Variants in LY6S observed in about 807,000 individuals in gnomAD.
LY6S encodes the protein lymphocyte antigen 6 family member S.
the LY6S span, among the ~76,000 whole-genome samples, chr8:143,056,726 A>G: frequency 6.6e-6 from 1 of 152,190 alleles, no homozygotes; most frequent in Non-Finnish European, 1.5e-5. Flanking sequence ...CCAGAAAAAT[A>G]TGGAAACTTT....
chr8:143,072,406 T>A, the LY6S span, among the ~76,000 whole-genome samples: 4 of 131,134 alleles, frequency 3.1e-5, no homozygotes, highest in African/African-American at 1.3e-4. Flanking sequence ...GAGACAGCCG[T>A]CGTCCTCGTG....
At chr8:143,069,610 G>A in the LY6S span, among the ~76,000 whole-genome samples, 1 of 152,172 alleles carries the variant, frequency 6.6e-6, no homozygotes, top group South Asian at 2.1e-4. Context: ...CCACCAGGAC[G>A]GGACACACAG....
chr8:143,046,542 C>T, the LY6S span, among the ~76,000 whole-genome samples: 1 of 147,136 alleles, frequency 6.8e-6, no homozygotes, highest in Non-Finnish European at 1.5e-5. Flanking sequence ...TGCGCCACTA[C>T]ACTCCAGCTT....
At chr8:143,041,519 T>G in the LY6S span, among the ~76,000 whole-genome samples, 6 of 152,278 alleles carry the variant, frequency 3.9e-5, no homozygotes, top group South Asian at 6.2e-4. Context: ...AAACAATTTG[T>G]GCAGTTAACA....
the LY6S span, among the ~76,000 whole-genome samples, chr8:143,073,958 AGGAGACAGCCGTCGTCCCCG>A: frequency 3.3e-5 from 5 of 150,886 alleles, no homozygotes; most frequent in South Asian, 2.1e-4. Flanking sequence ...TCCCTGTTTG[AGGAGACAGCCGTCGTCCCCG>A]GGGTCCCTGT....
At chr8:143,058,521 A>G in the LY6S span, among the ~76,000 whole-genome samples, 1 of 152,238 alleles carries the variant, frequency 6.6e-6, no homozygotes, top group African/African-American at 2.4e-5. Flanking sequence ...GACTACTGCT[A>G]TCTAGAAGGC....
chr8:143,051,737 C>T, the LY6S span, among the ~76,000 whole-genome samples: 32 of 150,070 alleles, frequency 2.1e-4, no homozygotes, highest in African/African-American at 6.9e-4. Flanking sequence ...TTTGGGAGGC[C>T]GAAGCACGTG....
chr8:143,050,135 T>G, the LY6S span, among the ~76,000 whole-genome samples: 1 of 151,236 alleles, frequency 6.6e-6, no homozygotes, highest in Non-Finnish European at 1.5e-5. Context: ...TTAGGGCAGT[T>G]GCAGCCATCG....
At chr8:143,057,231 CT>C in the LY6S span, 7 of 258,776 alleles carry the variant, frequency 2.7e-5, no homozygotes, top group Admixed American at 2.2e-4. Flanking sequence ...CCTTTAGTCT[CT>C]TTTTTACTAT....
chr8:143,072,453 T>C, the LY6S span, among the ~76,000 whole-genome samples: 375 of 103,598 alleles, frequency 3.6e-3, 13 homozygotes, highest in East Asian at 0.022. Context: ...TCCTCGGGAT[T>C]CCTGTTTGAG....
the LY6S span, chr8:143,043,073 G>A: frequency 1.7e-5 from 23 of 1,367,560 alleles, no homozygotes; most frequent in East Asian, 4.6e-5. Flanking sequence ...AGCTGGTGAC[G>A]CACAGGGACA....
At chr8:143,068,580 C>A in the LY6S span, among the ~76,000 whole-genome samples, 1 of 152,106 alleles carries the variant, frequency 6.6e-6, no homozygotes, top group Non-Finnish European at 1.5e-5. Context: ...TAAACCTCTT[C>A]TTTGTAATTT....
the LY6S span, among the ~76,000 whole-genome samples, chr8:143,070,376 TAA>T: frequency 3.2e-5 from 4 of 126,424 alleles, no homozygotes; most frequent in African/African-American, 1.3e-4. Context: ...TATATATATA[TAA>T]ATATATATAT....
chr8:143,074,238 C>T, the LY6S span, among the ~76,000 whole-genome samples: 3 of 137,180 alleles, frequency 2.2e-5, no homozygotes, highest in East Asian at 2.1e-4. Context: ...CCCATTCTCA[C>T]CCTTCTCCTG....
the LY6S span, among the ~76,000 whole-genome samples, chr8:143,051,601 A>G: frequency 2.0e-5 from 3 of 152,124 alleles, no homozygotes; most frequent in Non-Finnish European, 4.4e-5. Context: ...AGGGGACTCT[A>G]ACACCTGAAG....
At chr8:143,067,301 C>T in the LY6S span, among the ~76,000 whole-genome samples, 3 of 152,202 alleles carry the variant, frequency 2.0e-5, no homozygotes, top group Admixed American at 6.5e-5. Context: ...TAGCCCCAAC[C>T]CTGTGCTCAC....
the LY6S span, among the ~76,000 whole-genome samples, chr8:143,073,950 CCTGTTTG>C: frequency 3.3e-5 from 5 of 151,626 alleles, no homozygotes; most frequent in South Asian, 2.1e-4. Flanking sequence ...CCCCGGGGTC[CCTGTTTG>C]AGGAGACAGC....
the LY6S span, among the ~76,000 whole-genome samples, chr8:143,072,838 G>A: frequency 7.4e-4 from 68 of 92,188 alleles, no homozygotes; most frequent in East Asian, 3.8e-3. Context: ...CCTGTTTGAG[G>A]AGACAGCCGT....
chr8:143,052,127 A>G, the LY6S span, among the ~76,000 whole-genome samples: 1 of 150,548 alleles, frequency 6.6e-6, no homozygotes, highest in Non-Finnish European at 1.5e-5. Flanking sequence ...TAAAAATACA[A>G]AAAATTAGCC....
Sources: gnomAD v4.1 joint callset for allele counts (sites outside exome capture counted in the v4.1 genomes callset) on GRCh38, gnomAD v4.1.1 for gene constraint, MANE v1.5 for transcripts, NCBI Gene and HGNC (gene_info 2026-07-23, HGNC 2026-07-21) for gene names.